Variants in RYR3 observed in about 807,000 individuals in gnomAD.
RYR3 encodes the protein brain ryanodine receptor-calcium release channel.
A neutral mutation model predicts 584.3 loss-of-function variants in RYR3; 207 were observed. The ratio of observed to expected loss-of-function variants is 0.35; its 90% CI spans 0.32 to 0.40. The LOEUF (loss-of-function observed/expected upper bound fraction) is 0.40. RYR3 is among the 10% of genes least tolerant of loss of function. The pLI, the probability that RYR3 is intolerant of heterozygous loss-of-function variation, is 1.00. For missense variants in RYR3, 5,616 were observed against 6,089.2 expected, an observed-to-expected ratio of 0.92 and a Z score of 2.59; for synonymous variants, 2,416 against 2,248.5, an observed-to-expected ratio of 1.07 and a Z score of -2.11.
At position 33,662,886 on chromosome 15, in the gene RYR3, G is replaced by T. The variant is rs759581452; in HGVS notation, c.5356G>T (p.Gly1786Cys). ...EKAVEAGEKA[G>C]KEAPVKGLLQ... Reference sequence around the variant, plus strand: ...GGCTGTGGAGGCTGGGGAGAAGGCCGGCAAGGAGGCTCCTGTCAAAGGCTT... The same window carrying T: ...GGCTGTGGAGGCTGGGGAGAAGGCCTGCAAGGAGGCTCCTGTCAAAGGCTT... Residue 1786 changes from glycine to cysteine, a missense_variant, in exon 35 of 104, where the codon GGC (glycine) becomes TGC (cysteine). Coordinates refer to ENST00000634891, the MANE Select transcript of RYR3 (RefSeq NM_001036.6). 6.8e-6 allele frequency: 11 copies of T among 1,613,554 alleles called. No individual in the cohort carries two copies. Among genetic ancestry groups the T allele is most frequent in the Non-Finnish European group, 9.3e-6 (11 of 1,179,882 alleles).
intron 16 of RYR3, among the ~76,000 whole-genome samples, chr15:33,595,259 A>G (rs1208153251): frequency 6.6e-6 from 1 of 152,234 alleles, no homozygotes; most frequent in Non-Finnish European, 1.5e-5. Flanking sequence ...TTTCTAAACA[A>G]GGAAGCCCTA....
In RYR3 at chr15:33,812,909, T is replaced by G; in HGVS notation, c.10304T>G (p.Val3435Gly). The G allele has an allele frequency of 6.2e-7, 1 of 1,614,018 alleles. No individual in the cohort carries two copies. The highest frequency in any genetic ancestry group is 8.5e-7 in the Non-Finnish European group (1 of 1,179,868). Residue 3435 changes from valine (V) to glycine (G), a missense_variant, in exon 73 of 104, where the codon GTT (valine) becomes GGT (glycine). This residue lies in a region of RYR3 where 954 missense variants were observed against 1,132.2 expected (regional missense o/e 0.84). Coordinates refer to ENST00000634891, the MANE Select transcript of RYR3 (RefSeq NM_001036.6). ...TGGCAACTGAACCTCTACAAGGATG[T>G]TCTGAAGAGTGAAGAACCTTTCAAT... ...VKWQLNLYKD[V>G]LKSEEPFNPE...
At chr15:33,336,020 A>G (rs968499314) in intron 1 of RYR3, among the ~76,000 whole-genome samples, 2 of 152,214 alleles carry the variant, frequency 1.3e-5, no homozygotes, top group African/African-American at 4.8e-5. Context: ...AAACAAAGCC[A>G]AATTCTGGTT....
chr15:33,808,116 CA>C (rs1386898998), intron 70 of RYR3, among the ~76,000 whole-genome samples: 1 of 151,964 alleles, frequency 6.6e-6, no homozygotes, highest in Admixed American at 6.6e-5. Flanking sequence ...GCCATTCTCC[CA>C]AACCTCTGCT....
chr15:33,593,931 AG>A (rs2059253819), intron 16 of RYR3, among the ~76,000 whole-genome samples: 1 of 152,180 alleles, frequency 6.6e-6, no homozygotes, highest in Non-Finnish European at 1.5e-5. Context: ...GTTTTTACAT[AG>A]GCTTTTAAAT....
intron 1 of RYR3, among the ~76,000 whole-genome samples, chr15:33,351,680 G>A (rs1472205563): frequency 1.3e-5 from 2 of 150,902 alleles, no homozygotes; most frequent in African/African-American, 4.9e-5. Context: ...CTCAATAGAT[G>A]CAGAAAAGGC....
At chr15:33,860,305 C>G (rs2080203780) in intron 100 of RYR3, among the ~76,000 whole-genome samples, 1 of 151,882 alleles carries the variant, frequency 6.6e-6, no homozygotes, top group Non-Finnish European at 1.5e-5. Context: ...AGACTGAACA[C>G]AAATAGCTAA....
At chr15:33,506,027 G>C (rs539228126) in intron 3 of RYR3, among the ~76,000 whole-genome samples, 1 of 152,260 alleles carries the variant, frequency 6.6e-6, no homozygotes, top group East Asian at 1.9e-4. Context: ...TATTTCAAAG[G>C]ACTTCTTTTT....
At chr15:33,326,225 C>A (rs143150153) in intron 1 of RYR3, among the ~76,000 whole-genome samples, 1,672 of 152,240 alleles carry the variant, frequency 0.011, 30 homozygotes, top group Admixed American at 0.038. Context: ...TAGGAAAAGA[C>A]CCCTGGCAAT....
intron 16 of RYR3, 124 bp from the exon 17 acceptor site, chr15:33,601,295 G>A: frequency 1.1e-6 from 1 of 915,302 alleles, no homozygotes; most frequent in Non-Finnish European, 1.7e-6. Flanking sequence ...TTGGCTCTGA[G>A]CTGGCTCTCT....
chr15:33,725,673 C>G (rs1003294671), intron 45 of RYR3, among the ~76,000 whole-genome samples: 1 of 151,684 alleles, frequency 6.6e-6, no homozygotes, highest in Admixed American at 6.6e-5. Context: ...TAACAGATTT[C>G]TAGAGGCCAG....
chr15:33,388,917 A>G (rs2041812466), intron 1 of RYR3, among the ~76,000 whole-genome samples: 1 of 152,064 alleles, frequency 6.6e-6, no homozygotes, highest in African/African-American at 2.4e-5. Flanking sequence ...AATTCTGCCC[A>G]TCATATGAGT....
chr15:33,419,742 A>C (rs370486720), intron 1 of RYR3, among the ~76,000 whole-genome samples: 41 of 152,252 alleles, frequency 2.7e-4, no homozygotes, highest in African/African-American at 9.4e-4. Flanking sequence ...CCATGGTAGT[A>C]TGGTACCAAC....
intron 19 of RYR3, among the ~76,000 whole-genome samples, chr15:33,618,589 CGAGTCAAAT>C (rs1179907848): frequency 6.6e-6 from 1 of 152,190 alleles, no homozygotes; most frequent in Non-Finnish European, 1.5e-5. Flanking sequence ...TCGTGACTTA[CGAGTCAAAT>C]TCAGGTCAGC....
intron 102 of RYR3, among the ~76,000 whole-genome samples, chr15:33,863,702 T>TCTAA (rs542182618): frequency 1.3e-5 from 2 of 152,300 alleles, no homozygotes; most frequent in South Asian, 2.1e-4. Flanking sequence ...TTAAATACTT[T>TCTAA]CTAACTTTTC....
At chr15:33,862,427 G>A (rs926058140) in intron 102 of RYR3, among the ~76,000 whole-genome samples, 3 of 151,506 alleles carry the variant, frequency 2.0e-5, no homozygotes, top group African/African-American at 4.9e-5. Context: ...GGCTGATCTC[G>A]AACTCCTGAG....
intron 38 of RYR3, among the ~76,000 whole-genome samples, chr15:33,681,856 C>T (rs185180638): frequency 6.6e-6 from 1 of 152,200 alleles, no homozygotes; most frequent in Admixed American, 6.5e-5. Flanking sequence ...CACAAAGATA[C>T]AACACCAGCG....
chr15:33,565,806 C>A (rs2057683502), intron 11 of RYR3, among the ~76,000 whole-genome samples: 1 of 152,172 alleles, frequency 6.6e-6, no homozygotes, highest in South Asian at 2.1e-4. Flanking sequence ...CCCCTGACCT[C>A]CACACAAAAA....
chr15:33,483,616 A>AG (rs1242147665), intron 2 of RYR3, among the ~76,000 whole-genome samples: 2 of 152,192 alleles, frequency 1.3e-5, no homozygotes, highest in Non-Finnish European at 2.9e-5. Context: ...ACCTCTAAAT[A>AG]GCCAGACTTG....
Sources: gnomAD v4.1 joint callset for allele counts (sites outside exome capture counted in the v4.1 genomes callset) on GRCh38, gnomAD v4.1.1 for gene constraint, gnomAD v4.1.1 regional missense constraint, MANE v1.5 for transcripts, NCBI Gene and HGNC (gene_info 2026-07-23, HGNC 2026-07-21) for gene names.